GRID2: variants seen among roughly 807,000 people sequenced by gnomAD.
GRID2 encodes glutamate ionotropic receptor delta type subunit 2, also known as glutamate receptor ionotropic, delta-2.
GRID2 carries 33 observed loss-of-function variants against 114.8 expected under a neutral mutation model. The observed-to-expected ratio is 0.29, with a 90% confidence interval of 0.22 to 0.38. The LOEUF (loss-of-function observed/expected upper bound fraction) is 0.38. Ranked by LOEUF, GRID2 falls within the 10% of genes least tolerant of loss-of-function variation. GRID2 has a pLI of 1.00. For missense variants in GRID2, 1,184 were observed against 1,257.7 expected (o/e 0.94, Z 0.89); for synonymous variants, 505 against 449.9 (o/e 1.12, Z -1.55).
intron 14 of GRID2, among the ~76,000 whole-genome samples, chr4:93,740,313 G>A (rs1731259099): frequency 6.6e-6 from 1 of 152,078 alleles, no homozygotes; most frequent in Admixed American, 6.5e-5. Context: ...GCATTTCTCA[G>A]AACATATCTC....
intron 2 of GRID2, among the ~76,000 whole-genome samples, chr4:92,709,378 T>G (rs1735109560): frequency 6.6e-6 from 1 of 151,864 alleles, no homozygotes; most frequent in Non-Finnish European, 1.5e-5. Flanking sequence ...CGAAGATGAT[T>G]AAGATAAATC....
intron 2 of GRID2, among the ~76,000 whole-genome samples, chr4:92,863,363 A>G (rs981801422): frequency 6.6e-6 from 1 of 152,102 alleles, no homozygotes; most frequent in African/African-American, 2.4e-5. Context: ...AAGTTTTGAA[A>G]TAATCACTTA....
intron 4 of GRID2, among the ~76,000 whole-genome samples, chr4:93,116,152 A>G (rs928976039): frequency 1.3e-5 from 2 of 152,172 alleles, no homozygotes; most frequent in Non-Finnish European, 2.9e-5. Context: ...ACACAGTTAC[A>G]CTTCTATTTC....
chr4:93,010,270 T>C (rs1721997935), intron 2 of GRID2, among the ~76,000 whole-genome samples: 1 of 152,144 alleles, frequency 6.6e-6, no homozygotes, highest in Non-Finnish European at 1.5e-5. Flanking sequence ...ATTTTTCTTT[T>C]AAATATTTAT....
intron 4 of GRID2, among the ~76,000 whole-genome samples, chr4:93,111,496 A>C (rs1007045178): frequency 6.6e-6 from 1 of 152,164 alleles, no homozygotes; most frequent in Admixed American, 6.6e-5. Context: ...TCAAATTTTT[A>C]ATTGTATCTG....
chr4:93,338,154 T>G (rs2149242043), intron 8 of GRID2, among the ~76,000 whole-genome samples: 1 of 152,336 alleles, frequency 6.6e-6, no homozygotes, highest in East Asian at 1.9e-4. Flanking sequence ...GAATTTTTTT[T>G]TGCTACAATA....
intron 8 of GRID2, among the ~76,000 whole-genome samples, chr4:93,328,988 A>T (rs1038754163): frequency 1.3e-5 from 2 of 152,170 alleles, no homozygotes; most frequent in African/African-American, 4.8e-5. Flanking sequence ...CAGTTTTAGT[A>T]CCTACTATAG....
intron 13 of GRID2, among the ~76,000 whole-genome samples, chr4:93,575,132 G>T (rs1736293012): frequency 6.6e-6 from 1 of 152,050 alleles, no homozygotes; most frequent in African/African-American, 2.4e-5. Context: ...ATGTTTTATT[G>T]GCCAGAGCAA....
chr4:92,617,821 T>C (rs530707284), intron 2 of GRID2, among the ~76,000 whole-genome samples: 18 of 151,936 alleles, frequency 1.2e-4, no homozygotes, highest in African/African-American at 4.1e-4. Flanking sequence ...AAGAAATGTC[T>C]ATTGAGGTCA....
intron 3 of GRID2, among the ~76,000 whole-genome samples, chr4:93,088,172 T>C (rs1372712106): frequency 6.6e-6 from 1 of 152,170 alleles, no homozygotes; most frequent in East Asian, 1.9e-4. Context: ...AATATAAATG[T>C]CTACTTTAAA....
rs1276927466 is a variant in GRID2, at chr4:93,337,183, AT to A, written c.1246-58416del. Among the ~76,000 whole-genome samples, 5 of 152,178 alleles carry A rather than the reference AT, an allele frequency of 3.3e-5. No individual in the cohort carries two copies. In the South Asian group the frequency reaches 6.2e-4, roughly 19 times the overall value. Reference sequence around the variant, plus strand: ...GAGATAAACACGAAGAAAGTAAATAATTTTTTTTCTTGATAATTTGATGGAT... The same window carrying A: ...GAGATAAACACGAAGAAAGTAAATAATTTTTTTCTTGATAATTTGATGGAT... On this transcript the variant is annotated intron_variant, in intron 8 of 15. Coordinates refer to ENST00000282020, the MANE Select transcript of GRID2 (RefSeq NM_001510.4).
intron 4 of GRID2, among the ~76,000 whole-genome samples, chr4:93,136,200 A>G (rs190207802): frequency 6.6e-6 from 1 of 151,228 alleles, no homozygotes; most frequent in Non-Finnish European, 1.5e-5. Context: ...TGTATCTGCT[A>G]AACTATCCTG....
At chr4:93,075,478 A>G (rs1263969193) in intron 2 of GRID2, among the ~76,000 whole-genome samples, 2 of 152,192 alleles carry the variant, frequency 1.3e-5, no homozygotes, top group Non-Finnish European at 2.9e-5. Context: ...AGCTGGTGCA[A>G]TAAGGCATGG....
chr4:92,535,990 T>C (rs149679903), intron 1 of GRID2, among the ~76,000 whole-genome samples: 89 of 152,270 alleles, frequency 5.8e-4, no homozygotes, highest in African/African-American at 1.9e-3. Flanking sequence ...GTGAGTGTTA[T>C]AGCTCATTGT....
At chr4:92,758,371 T>C (rs1395255571) in intron 2 of GRID2, among the ~76,000 whole-genome samples, 2 of 152,122 alleles carry the variant, frequency 1.3e-5, no homozygotes, top group Admixed American at 1.3e-4. Flanking sequence ...TATGACTATT[T>C]GGAAACCAAC....
intron 2 of GRID2, among the ~76,000 whole-genome samples, chr4:92,669,351 A>G (rs1295601143): frequency 6.6e-6 from 1 of 151,882 alleles, no homozygotes; most frequent in Non-Finnish European, 1.5e-5. Flanking sequence ...AAATACATCA[A>G]CTGGAAAGCT....
At chr4:92,413,922 A>AT (rs912894509) in intron 1 of GRID2, among the ~76,000 whole-genome samples, 2 of 152,100 alleles carry the variant, frequency 1.3e-5, no homozygotes, top group African/African-American at 2.4e-5. Flanking sequence ...TTGACAGAGG[A>AT]TTTTTTTAAA....
chr4:92,371,359 C>T lies in GRID2; in HGVS notation c.88+66615C>T, dbSNP rs534772830. 1.4e-4 allele frequency among the ~76,000 whole-genome samples: 21 copies of T among 152,188 alleles called. 1 individual carries two copies. The South Asian group carries it at 3.9e-3, about 29-fold the overall frequency. ...TCCATTGCTAGAGAGAAGTCACTTC[C>T]TAGCTTCCAAGCTTTAAGGGACAGG... On this transcript the variant is annotated intron_variant, in intron 1 of 15. Coordinates refer to ENST00000282020, the MANE Select transcript of GRID2 (RefSeq NM_001510.4).
At chr4:93,065,904 T>A (rs1023871207) in intron 2 of GRID2, among the ~76,000 whole-genome samples, 44 of 151,874 alleles carry the variant, frequency 2.9e-4, no homozygotes, top group African/African-American at 1.1e-3. Context: ...CTAAAAACAA[T>A]GGCTAACATT....
Sources: gnomAD v4.1 joint callset for allele counts (sites outside exome capture counted in the v4.1 genomes callset) on GRCh38, gnomAD v4.1.1 for gene constraint, MANE v1.5 for transcripts, NCBI Gene and HGNC (gene_info 2026-07-23, HGNC 2026-07-21) for gene names.